Variants in EFNB3 observed in about 807,000 individuals in gnomAD.
EFNB3 encodes the protein ephrin-B3.
A neutral mutation model predicts 29.8 loss-of-function variants in EFNB3; 14 were observed. That is an observed-to-expected ratio of 0.47 (90% CI 0.31 to 0.73). The LOEUF is 0.73. EFNB3 is among the 30% of genes least tolerant of loss of function. EFNB3 has a pLI of 0.05. For missense variants in EFNB3, 408 were observed against 458.0 expected, an observed-to-expected ratio of 0.89 and a Z score of 1.00; for synonymous variants, 216 against 191.6, an observed-to-expected ratio of 1.13 and a Z score of -1.05.
Position 7,705,604 on chromosome 17 carries a change from G to C in EFNB3, c.6G>C (p.Gly2=), listed in dbSNP as rs1392765785. The stretch of plus-strand genomic sequence containing the variant: ...CCCCAGGCCTTGGCGGGGTCATGGG[G>C]CCCCCCCATTCTGGGCCGGGGGGCG... M[G]PPHSGPGGVR... Residue 2 remains glycine, a synonymous_variant, in exon 1 of 5, where the codon GGG becomes GGC. Coordinates refer to ENST00000226091, the MANE Select transcript of EFNB3 (RefSeq NM_001406.4). The surrounding 1 kb of genome is among the most constrained non-coding windows in gnomAD (Gnocchi z 5.4). 43 of 1,478,248 alleles carry C rather than the reference G, an allele frequency of 2.9e-5. No individual in the cohort carries two copies. Among genetic ancestry groups the C allele is most frequent in the Non-Finnish European group, 3.5e-5 (39 of 1,125,226 alleles). 91.6% of individuals were successfully genotyped at this position (1,478,248 alleles called of 1,614,324 possible). A position where few individuals can be genotyped will look rare whatever the true frequency, so the allele number is the denominator to read the frequency against.
chr17:7,708,278 GT>G lies in EFNB3; in HGVS notation c.415+29del. The stretch of plus-strand genomic sequence containing the variant: ...ACTGCTGGGCAGAGGGCACGATTGA[GT>G]GGGGGGCTCCTGATACTGAGCAGAG... On this transcript the variant is annotated intron_variant, in intron 2 of 4. Coordinates refer to ENST00000226091, the MANE Select transcript of EFNB3 (RefSeq NM_001406.4). The surrounding 1 kb of genome is among the most constrained non-coding windows in gnomAD (Gnocchi z 6.8). The G allele has an allele frequency of 6.2e-7, 1 of 1,603,482 alleles. No individual in the cohort carries two copies. Among genetic ancestry groups the G allele is most frequent in the Non-Finnish European group, 8.5e-7 (1 of 1,176,030 alleles).
At position 7,709,671 on chromosome 17, in the gene EFNB3, C is replaced by A; in HGVS notation, c.*95C>A. 7.7e-7 allele frequency: 1 copy of A among 1,297,560 alleles called. No homozygotes were observed. Among genetic ancestry groups the A allele is most frequent in the Non-Finnish European group, 1.1e-6 (1 of 917,446 alleles). 80.4% of individuals were successfully genotyped at this position (1,297,560 alleles called of 1,614,324 possible). ...TGAGGGACACCTCTAACATCTCGGC[C>A]CCCTGTGCCCCCCCAGCCCCTTCAC... On this transcript the variant is annotated 3_prime_UTR_variant, in exon 5 of 5. Coordinates refer to ENST00000226091, the MANE Select transcript of EFNB3 (RefSeq NM_001406.4). This position sits in a 1 kb window ranked among gnomAD's most constrained non-coding sequence, Gnocchi z 4.5.
At position 7,709,727 on chromosome 17, in the gene EFNB3, T is replaced by G; in HGVS notation, c.*151T>G. On this transcript the variant is annotated 3_prime_UTR_variant, in exon 5 of 5. Transcript: ENST00000226091. This position sits in a 1 kb window ranked among gnomAD's most constrained non-coding sequence, Gnocchi z 4.5. ...CCGGCTGCTGTCCTCGTCTCCACTT[T>G]TAGGATTCCTTAGGATTCCCACTGC... 1.3e-6 allele frequency: 1 copy of G among 769,354 alleles called. No homozygotes were observed. Among genetic ancestry groups the G allele is most frequent in the East Asian group, 2.7e-5 (1 of 36,836 alleles). 47.7% of individuals were successfully genotyped at this position (769,354 alleles called of 1,614,324 possible).
Position 7,705,439 on chromosome 17 carries a change from C to CG in EFNB3, c.-155dup. On this transcript the variant is annotated 5_prime_UTR_variant, in exon 1 of 5. Transcript: ENST00000226091. This position sits in a 1 kb window ranked among gnomAD's most constrained non-coding sequence, Gnocchi z 5.4. Reference sequence around the variant, plus strand: ...TCTGGTGGGGCTGAGCGCTCTGCCGCGGGGGCGCGGGCACAGCAGGAAGCA... The same window carrying CG: ...TCTGGTGGGGCTGAGCGCTCTGCCGCGGGGGGCGCGGGCACAGCAGGAAGCA... 8.0e-6 allele frequency: 4 copies of CG among 496,980 alleles called. No individual in the cohort carries two copies. The highest frequency in any genetic ancestry group is 3.6e-5 in the East Asian group (1 of 27,440). 30.8% of individuals were successfully genotyped at this position (496,980 alleles called of 1,614,324 possible).
In EFNB3 at chr17:7,709,633, T is replaced by A; in HGVS notation, c.*57T>A. On this transcript the variant is annotated 3_prime_UTR_variant, in exon 5 of 5. Transcript: ENST00000226091. This position sits in a 1 kb window ranked among gnomAD's most constrained non-coding sequence, Gnocchi z 4.5. Reference sequence around the variant, plus strand: ...GCCCTTCTTGGGGTGCTCCTCCAGTTTAATTCCTGGTTTGAGGGACACCTC... The same window carrying A: ...GCCCTTCTTGGGGTGCTCCTCCAGTATAATTCCTGGTTTGAGGGACACCTC... 6.2e-7 allele frequency: 1 copy of A among 1,607,614 alleles called. No homozygotes were observed. Among genetic ancestry groups the A allele is most frequent in the Non-Finnish European group, 8.5e-7 (1 of 1,176,664 alleles).
chr17:7,706,323 G>A (rs954313280), intron 1 of EFNB3, among the ~76,000 whole-genome samples: 1 of 151,944 alleles, frequency 6.6e-6, no homozygotes, highest in Non-Finnish European at 1.5e-5. Context: ...CTGGCTTGCC[G>A]GCATCTTGCT....
chr17:7,705,622 G>T lies in EFNB3; in HGVS notation c.24G>T (p.Pro8=). 6.6e-7 allele frequency: 1 copy of T among 1,504,406 alleles called. No individual in the cohort carries two copies. Among genetic ancestry groups the T allele is most frequent in the Non-Finnish European group, 8.8e-7 (1 of 1,140,706 alleles). 93.2% of individuals were successfully genotyped at this position (1,504,406 alleles called of 1,614,324 possible). A position where few individuals can be genotyped will look rare whatever the true frequency, so the allele number is the denominator to read the frequency against. Residue 8 remains proline (P), a synonymous_variant, in exon 1 of 5, where the codon CCG becomes CCT. Coordinates refer to ENST00000226091, the MANE Select transcript of EFNB3 (RefSeq NM_001406.4). This position sits in a 1 kb window ranked among gnomAD's most constrained non-coding sequence, Gnocchi z 5.4. ...TCATGGGGCCCCCCCATTCTGGGCCGGGGGGCGTGCGAGTCGGGGCCCTGC... is the reference window on the plus strand; with the variant it reads ...TCATGGGGCCCCCCCATTCTGGGCCTGGGGGCGTGCGAGTCGGGGCCCTGC... The part of the protein sequence containing the change: MGPPHSG[P]GGVRVGALLL...
Position 7,709,261 on chromosome 17 carries a change from G to A in EFNB3, c.708G>A (p.Ala236=), listed in dbSNP as rs572387959. Residue 236 remains alanine (A), a synonymous_variant, in exon 5 of 5, where the codon GCG becomes GCA. Transcript: ENST00000226091. This position sits in a 1 kb window ranked among gnomAD's most constrained non-coding sequence, Gnocchi z 4.5. ...TGGCTGGGGCAGCAGGGGGGCTGGC[G>A]CTGCTCTTGCTGGGCGTGGCAGGGG... The part of the protein sequence containing the change: ...PAVAGAAGGL[A]LLLLGVAGAG... 5.3e-5 allele frequency: 84 copies of A among 1,585,580 alleles called. No individual in the cohort carries two copies. The highest frequency in any genetic ancestry group is 6.6e-5 in the Non-Finnish European group (77 of 1,170,928).
rs965942437 is a variant in EFNB3, at chr17:7,705,322, C to G, written c.-277C>G. 60 of 259,570 alleles carry G rather than the reference C, an allele frequency of 2.3e-4. 2 individuals are homozygous for G. The highest frequency in any genetic ancestry group is 3.1e-4 in the East Asian group (4 of 12,736). 16.1% of individuals were successfully genotyped at this position (259,570 alleles called of 1,614,324 possible). A position where few individuals can be genotyped will look rare whatever the true frequency, so the allele number is the denominator to read the frequency against. On this transcript the variant is annotated 5_prime_UTR_variant, in exon 1 of 5. Coordinates refer to ENST00000226091, the MANE Select transcript of EFNB3 (RefSeq NM_001406.4). The surrounding 1 kb of genome is among the most constrained non-coding windows in gnomAD (Gnocchi z 5.4). The stretch of plus-strand genomic sequence containing the variant: ...GCCCCCGCCCGGTCCCCGGCTCCCC[C>G]AGTCCCCCACTTAGGCGGGCTCACA...
intron 1 of EFNB3, among the ~76,000 whole-genome samples, chr17:7,706,298 C>T (rs575403023): frequency 5.3e-5 from 8 of 151,996 alleles, no homozygotes; most frequent in Non-Finnish European, 1.0e-4. Context: ...CCAGCCAGAA[C>T]ATATTCCTGC....
rs566482253 is a variant in EFNB3, at chr17:7,708,553, T to C, written c.508+26T>C. 1 of 1,609,710 alleles carries C rather than the reference T, an allele frequency of 6.2e-7. No homozygotes were observed. Among genetic ancestry groups the C allele is most frequent in the African/African-American group, 1.3e-5 (1 of 74,996 alleles). On this transcript the variant is annotated intron_variant, in intron 3 of 4. Transcript: ENST00000226091. This position sits in a 1 kb window ranked among gnomAD's most constrained non-coding sequence, Gnocchi z 6.8. Reference sequence around the variant, plus strand: ...GTGAGTGGGGCTGGGGGACACCTCCTGGGCACGAAGGGACGTTGGGGCAGT... The same window carrying C: ...GTGAGTGGGGCTGGGGGACACCTCCCGGGCACGAAGGGACGTTGGGGCAGT...
In EFNB3 at chr17:7,708,034, C is replaced by G; in HGVS notation, c.199C>G (p.Pro67Ala). 6.2e-7 allele frequency: 1 copy of G among 1,614,062 alleles called. No individual in the cohort carries two copies. The highest frequency in any genetic ancestry group is 8.5e-7 in the Non-Finnish European group (1 of 1,180,000). The change falls in exon 2 of 5, where the codon CCT (proline) becomes GCT (alanine). Residue 67 changes from proline to alanine, a missense_variant. Coordinates refer to ENST00000226091, the MANE Select transcript of EFNB3 (RefSeq NM_001406.4). This position sits in a 1 kb window ranked among gnomAD's most constrained non-coding sequence, Gnocchi z 6.8. ...RLDLLCPRAR[P>A]PGPHSSPNYE... ...AGACCTGCTCTGCCCCCGGGCCCGG[C>G]CTCCTGGCCCTCACTCCTCTCCTAA...
At position 7,711,283 on chromosome 17, in the gene EFNB3, G is replaced by A. The variant is rs7141; in HGVS notation, c.*1707G>A. The A allele has an allele frequency of 0.53, 80,804 of 152,446 alleles. 23,931 individuals are homozygous for A. The highest frequency in any genetic ancestry group is 0.67 in the Non-Finnish European group (45,542 of 67,986). 9.4% of individuals were successfully genotyped at this position (152,446 alleles called of 1,614,324 possible). On this transcript the variant is annotated 3_prime_UTR_variant, in exon 5 of 5. Transcript: ENST00000226091. ...AAGTTGATATTGCCATGGTGGCGGG[G>A]TATGCCGTCACCTCAGTAGTTTTAC...
intron 1 of EFNB3, among the ~76,000 whole-genome samples, chr17:7,707,709 GAA>G (rs1216599048): frequency 6.6e-6 from 1 of 152,164 alleles, no homozygotes; most frequent in African/African-American, 2.4e-5. Flanking sequence ...AGGGCGGGCT[GAA>G]GAGTGGAGTG....
Position 7,709,341 on chromosome 17 carries a change from A to T in EFNB3, c.788A>T (p.His263Leu). 4 of 1,513,252 alleles carry T rather than the reference A, an allele frequency of 2.6e-6. No homozygotes were observed. Among genetic ancestry groups the T allele is most frequent in the Non-Finnish European group, 3.5e-6 (4 of 1,129,358 alleles). The allele number at this position is 1,513,252 out of a possible 1,614,324, so 93.7% of individuals were successfully genotyped here. Residue 263 changes from histidine to leucine, a missense_variant, in exon 5 of 5, where the codon CAC becomes CTC. By Grantham distance (99) the His-to-Leu change is moderately conservative. Coordinates refer to ENST00000226091, the MANE Select transcript of EFNB3 (RefSeq NM_001406.4). The surrounding 1 kb of genome is among the most constrained non-coding windows in gnomAD (Gnocchi z 4.5). The part of the protein sequence containing the change: ...RRRAKPSESR[H>L]PGPGSFGRGG... ...CGGGCCAAGCCTTCGGAGAGTCGCC[A>T]CCCTGGTCCTGGCTCCTTCGGGAGG...
At position 7,709,216 on chromosome 17, in the gene EFNB3, C is replaced by A. The variant is rs1407189769; in HGVS notation, c.663C>A (p.Pro221=). ...ATSRGAEGPL[P]PPSMPAVAGA... is the part of the protein sequence containing the mutation. ...CCCGGGGTGCTGAAGGCCCCCTGCC[C>A]CCTCCCAGCATGCCTGCAGTGGCTG... is the stretch of plus-strand genomic sequence containing the variant. Residue 221 remains proline, a synonymous_variant, in exon 5 of 5, where the codon CCC becomes CCA. Coordinates refer to ENST00000226091, the MANE Select transcript of EFNB3 (RefSeq NM_001406.4). The surrounding 1 kb of genome is among the most constrained non-coding windows in gnomAD (Gnocchi z 4.5). 1 of 1,603,740 alleles carries A rather than the reference C, an allele frequency of 6.2e-7. No individual in the cohort carries two copies.
chr17:7,706,342 C>G (rs984323564), intron 1 of EFNB3, among the ~76,000 whole-genome samples: 12 of 152,064 alleles, frequency 7.9e-5, no homozygotes, highest in Non-Finnish European at 1.8e-4. Flanking sequence ...CTGGAAGAAG[C>G]CTGGAGCCCC....
At position 7,709,409 on chromosome 17, in the gene EFNB3, C is replaced by T. The variant is rs756561982; in HGVS notation, c.856C>T (p.Arg286Trp). 21 of 1,606,762 alleles carry T rather than the reference C, an allele frequency of 1.3e-5. No homozygotes were observed. Among genetic ancestry groups the T allele is most frequent in the South Asian group, 4.4e-5 (4 of 90,460 alleles). ...GLGGGGGMGP[R>W]EAEPGELGIA... Reference sequence around the variant, plus strand: ...GGGGGGTGGAGGTGGGATGGGACCTCGGGAGGCTGAGCCTGGGGAGCTAGG... The same window carrying T: ...GGGGGGTGGAGGTGGGATGGGACCTTGGGAGGCTGAGCCTGGGGAGCTAGG... Residue 286 changes from arginine (R) to tryptophan (W), a missense_variant, in exon 5 of 5, where the codon CGG (arginine) becomes TGG (tryptophan). This residue lies in a region of EFNB3 where 233 missense variants were observed against 230.7 expected (regional missense o/e 1.01). Coordinates refer to ENST00000226091, the MANE Select transcript of EFNB3 (RefSeq NM_001406.4). This position sits in a 1 kb window ranked among gnomAD's most constrained non-coding sequence, Gnocchi z 4.5.
Position 7,710,963 on chromosome 17 carries a change from G to C in EFNB3, c.*1387G>C, listed in dbSNP as rs2074347676. 1 of 152,656 alleles carries C rather than the reference G, an allele frequency of 6.6e-6. No individual in the cohort carries two copies. The highest frequency in any genetic ancestry group is 1.5e-5 in the Non-Finnish European group (1 of 68,060). 9.5% of individuals were successfully genotyped at this position (152,656 alleles called of 1,614,324 possible). ...GACTCAACACAGTTCCCTTCTTAGT[G>C]ACCAAAATGGTGGCCTACTGGCTGG... On this transcript the variant is annotated 3_prime_UTR_variant, in exon 5 of 5. Transcript: ENST00000226091.
Sources: gnomAD v4.1 joint callset for allele counts (sites outside exome capture counted in the v4.1 genomes callset) on GRCh38, gnomAD v4.1.1 for gene constraint, gnomAD v4.1.1 regional missense constraint, Gnocchi (gnomAD v3.1) non-coding constraint, MANE v1.5 for transcripts, NCBI Gene and HGNC (gene_info 2026-07-23, HGNC 2026-07-21) for gene names.